The following MYRIP variants were observed in gnomAD, a reference collection of about 807,000 sequenced individuals.
MYRIP encodes rab effector MyRIP.
MYRIP carries 49 observed loss-of-function variants against 98.0 expected under a neutral mutation model. The observed-to-expected ratio is 0.50, with a 90% CI of 0.40 to 0.63. The LOEUF (loss-of-function observed/expected upper bound fraction) is 0.63. Among genes scored for constraint, MYRIP ranks in the 30% least tolerant of loss-of-function variants. MYRIP has a pLI of 0.00. For missense variants in MYRIP, 1,004 were observed against 1,058.2 expected, an observed-to-expected ratio of 0.95 and a Z score of 0.71; for synonymous variants, 404 against 409.5, an observed-to-expected ratio of 0.99 and a Z score of 0.16.
intron 3 of MYRIP, among the ~76,000 whole-genome samples, chr3:40,094,640 GGT>G (rs1265673455): frequency 2.6e-5 from 4 of 152,268 alleles, no homozygotes; most frequent in Admixed American, 2.6e-4. Flanking sequence ...ATTCTCAGTA[GGT>G]GTTTGGGAAT....
At chr3:40,181,541 A>G (rs1950882546) in intron 8 of MYRIP, among the ~76,000 whole-genome samples, 1 of 152,232 alleles carries the variant, frequency 6.6e-6, no homozygotes, top group African/African-American at 2.4e-5. Context: ...ACCAATGTAA[A>G]AACAGCAAAA....
chr3:40,137,257 T>C (rs1949799084), intron 3 of MYRIP, among the ~76,000 whole-genome samples: 1 of 152,180 alleles, frequency 6.6e-6, no homozygotes, highest in South Asian at 2.1e-4. Context: ...TATTAACACC[T>C]CTACGTGAAT....
At chr3:40,059,652 A>G (rs1010085900) in intron 3 of MYRIP, among the ~76,000 whole-genome samples, 7 of 151,872 alleles carry the variant, frequency 4.6e-5, no homozygotes, top group African/African-American at 1.7e-4. Context: ...CCCTTGCCTT[A>G]TTGAGTTCAT....
intron 3 of MYRIP, among the ~76,000 whole-genome samples, chr3:40,134,173 G>A (rs918489194): frequency 3.9e-5 from 6 of 152,304 alleles, no homozygotes; most frequent in Middle Eastern, 3.4e-3. Context: ...GGAAAATCCC[G>A]TTACTCCCAC....
chr3:39,943,768 G>A (rs940759468), intron 2 of MYRIP, among the ~76,000 whole-genome samples: 2 of 152,120 alleles, frequency 1.3e-5, no homozygotes, highest in South Asian at 4.1e-4. Flanking sequence ...GATTCATAGG[G>A]CCAAGAGTTC....
chr3:39,954,261 G>A (rs535641406), intron 2 of MYRIP, among the ~76,000 whole-genome samples: 4 of 152,194 alleles, frequency 2.6e-5, no homozygotes, highest in Non-Finnish European at 4.4e-5. Flanking sequence ...ACACCTCCCA[G>A]TAGGGGCCAA....
At position 40,052,011 on chromosome 3, in the gene MYRIP, A is replaced by AT. The variant is rs1370554067; in HGVS notation, c.332+7743dup. 6.5e-4 allele frequency among the ~76,000 whole-genome samples: 99 copies of AT among 152,206 alleles called. No individual in the cohort carries two copies. In the Middle Eastern group the frequency reaches 0.01, roughly 16 times the overall value. ...AACTGGAATATCCATCACCTGAAAC[A>AT]TTTATCTTTTCTTTGTGTTGAAAAT... On this transcript the variant is annotated intron_variant, in intron 3 of 16. Coordinates refer to ENST00000302541, the MANE Select transcript of MYRIP (RefSeq NM_015460.4).
rs113893404 is a variant in MYRIP at position 40,037,834 on chromosome 3, C to G, written c.111-6216C>G. The stretch of plus-strand genomic sequence containing the variant: ...CTTCCTGTTTTCTCTCTGGCTCACA[C>G]TTTCTCCTTTAAATACTGAAGTTCC... On this transcript the variant is annotated intron_variant, in intron 2 of 16. Transcript: ENST00000302541. Among the ~76,000 whole-genome samples the G allele has an allele frequency of 4.1e-3, 624 of 152,238 alleles. 4 individuals carry two copies. Among genetic ancestry groups the G allele is most frequent in the Middle Eastern group, 0.017 (5 of 294 alleles).
chr3:40,199,577 T>A (rs542462800), intron 10 of MYRIP, among the ~76,000 whole-genome samples: 4 of 152,132 alleles, frequency 2.6e-5, no homozygotes, highest in Non-Finnish European at 5.9e-5. Flanking sequence ...TCCAGAAGGT[T>A]CGCCTGCCTC....
chr3:40,183,080 G>A (rs1575603894), intron 9 of MYRIP, among the ~76,000 whole-genome samples: 1 of 152,140 alleles, frequency 6.6e-6, no homozygotes, highest in Non-Finnish European at 1.5e-5. Flanking sequence ...ACAGCAGATG[G>A]AGGAAGGCAG....
At position 39,972,886 on chromosome 3, in the gene MYRIP, A is replaced by G. The variant is rs75397223; in HGVS notation, c.111-71164A>G. Among the ~76,000 whole-genome samples, 226 of 151,570 alleles carry G rather than the reference A, an allele frequency of 1.5e-3. 4 individuals carry two copies. The East Asian group carries it at 0.041, about 28-fold the overall frequency. ...TCCATGCCCTGCAAGTCTTGATTTT[A>G]TCTCTCGGTGCAGCTGATGAGTAAT... is the stretch of plus-strand genomic sequence containing the variant. On this transcript the variant is annotated intron_variant, in intron 2 of 16. Transcript: ENST00000302541.
chr3:40,212,153 C>CGTGTGTGTGTGTGTGT (rs1559456591), intron 11 of MYRIP, among the ~76,000 whole-genome samples: 3 of 7,032 alleles, frequency 4.3e-4, no homozygotes, highest in Admixed American at 2.1e-3. Context: ...CATATATATA[C>CGTGTGTGTGTGTGTGT]GTGTATATAT....
In MYRIP at chr3:40,190,058, C is replaced by T. The variant is rs761515457; in HGVS notation, c.1260C>T (p.Asn420=). Residue 420 remains asparagine (N), a synonymous_variant, in exon 10 of 17, where the codon AAC becomes AAT. Transcript: ENST00000302541. ...LCPRSRALPR[N]PQPQPTQAQS... is the part of the protein sequence containing the mutation. ...CCAGGTCCCGGGCCCTGCCCAGGAA[C>T]CCCCAGCCTCAGCCCACACAGGCCC... 4.3e-6 allele frequency: 7 copies of T among 1,613,986 alleles called. No individual in the cohort carries two copies. The highest frequency in any genetic ancestry group is 5.9e-6 in the Non-Finnish European group (7 of 1,179,946).
At chr3:39,996,644 G>C (rs1407039230) in intron 2 of MYRIP, among the ~76,000 whole-genome samples, 1 of 152,066 alleles carries the variant, frequency 6.6e-6, no homozygotes, top group Non-Finnish European at 1.5e-5. Flanking sequence ...ACTTAACAAG[G>C]ATATCCAGGA....
intron 1 of MYRIP, among the ~76,000 whole-genome samples, chr3:39,845,777 A>C (rs1378115994): frequency 6.6e-6 from 1 of 151,324 alleles, no homozygotes; most frequent in African/African-American, 2.4e-5. Flanking sequence ...ATACTGATCC[A>C]GGCAGGCCTT....
intron 2 of MYRIP, among the ~76,000 whole-genome samples, chr3:39,934,287 G>A (rs1944608599): frequency 6.6e-6 from 1 of 151,180 alleles, no homozygotes; most frequent in South Asian, 2.1e-4. Flanking sequence ...CAAGCCTGGA[G>A]CTAAGGAGGG....
At chr3:40,041,373 G>A (rs530533625) in intron 2 of MYRIP, among the ~76,000 whole-genome samples, 197 of 141,346 alleles carry the variant, frequency 1.4e-3, no homozygotes, top group African/African-American at 4.6e-3. Context: ...CAACCTAAGC[G>A]GTGAACAGAG....
At chr3:39,903,760 G>C (rs1943806203) in intron 2 of MYRIP, among the ~76,000 whole-genome samples, 1 of 152,166 alleles carries the variant, frequency 6.6e-6, no homozygotes, top group South Asian at 2.1e-4. Context: ...AGATTACAAA[G>C]CTTGCTCAGA....
Position 40,198,452 on chromosome 3 carries a change from T to C in MYRIP, c.1665+7989T>C, listed in dbSNP as rs780785893. Among the ~76,000 whole-genome samples, 44 of 152,230 alleles carry C rather than the reference T, an allele frequency of 2.9e-4. 1 individual carries two copies. Among genetic ancestry groups the C allele is most frequent in the Non-Finnish European group, 4.9e-4 (33 of 68,034 alleles). On this transcript the variant is annotated intron_variant, in intron 10 of 16. Transcript: ENST00000302541. ...AGAGTGAATGGATCTCCAGATGCAC[T>C]CGTGAGCCTTATATTTAATAAAAAA...
Sources: gnomAD v4.1 joint callset for allele counts (sites outside exome capture counted in the v4.1 genomes callset) on GRCh38, gnomAD v4.1.1 for gene constraint, MANE v1.5 for transcripts, NCBI Gene and HGNC (gene_info 2026-07-23, HGNC 2026-07-21) for gene names.